Variants in NPTN observed in about 807,000 individuals in gnomAD.
NPTN encodes neuroplastin.
NPTN carries 5 observed loss-of-function variants against 42.7 expected under a neutral mutation model. The ratio of observed to expected loss-of-function variants is 0.12; its 90% CI spans 0.06 to 0.25. The LOEUF is 0.25. Ranked by LOEUF, NPTN falls within the 10% of genes least tolerant of loss-of-function variation. The probability of loss-of-function intolerance (pLI) is 1.00; values close to 1 mark genes in which losing one functional copy is unlikely to be tolerated. For synonymous variants in NPTN, 180 were observed against 201.9 expected, an observed-to-expected ratio of 0.89 and a Z score of 0.92; for missense variants, 307 against 525.4, an observed-to-expected ratio of 0.58 and a Z score of 4.06.
intron 1 of NPTN, among the ~76,000 whole-genome samples, chr15:73,608,475 G>A (rs1897394549): frequency 6.6e-6 from 1 of 152,146 alleles, no homozygotes; most frequent in East Asian, 1.9e-4. Flanking sequence ...CAATTAGTAG[G>A]AATGAGTTCT....
chr15:73,588,937 G>A (rs1896453056), intron 3 of NPTN, among the ~76,000 whole-genome samples: 1 of 152,196 alleles, frequency 6.6e-6, no homozygotes, highest in South Asian at 2.1e-4. Flanking sequence ...TACGGCAGGG[G>A]AATGAATAAA....
intron 1 of NPTN, among the ~76,000 whole-genome samples, chr15:73,601,625 G>A (rs1897088063): frequency 1.3e-5 from 2 of 152,180 alleles, no homozygotes; most frequent in Admixed American, 1.3e-4. Context: ...TGCTCTCTAG[G>A]TCAAGGGTCA....
chr15:73,612,795 C>A (rs1000981861), intron 1 of NPTN, among the ~76,000 whole-genome samples: 1 of 151,992 alleles, frequency 6.6e-6, no homozygotes, highest in Non-Finnish European at 1.5e-5. Flanking sequence ...ATAAACAAAT[C>A]TATCAGACTT....
intron 6 of NPTN, chr15:73,567,552 C>A (rs976574467): frequency 6.1e-6 from 6 of 985,070 alleles, no homozygotes; most frequent in Middle Eastern, 5.2e-4. Context: ...ATGGAGTGCA[C>A]AGGGGTTGAG....
At position 73,570,181 on chromosome 15, in the gene NPTN, C is replaced by T. The variant is rs1566959219; in HGVS notation, c.1083G>A (p.Glu361=). ...IILVVIIVVY[E]KRKRPDEVPD... ...GAACCTCATCTGGCCTCTTCCTCTT[C>T]TCATACACAACAATGATCACCACAA... The change falls in exon 6 of 9, where the codon GAG becomes GAA. Residue 361 remains glutamate, a synonymous_variant. Transcript: ENST00000345330. This position sits in a 1 kb window ranked among gnomAD's most constrained non-coding sequence, Gnocchi z 4.0. 3.1e-6 allele frequency: 5 copies of T among 1,613,252 alleles called. No homozygotes were observed. Among genetic ancestry groups the T allele is most frequent in the Non-Finnish European group, 4.2e-6 (5 of 1,179,410 alleles).
At chr15:73,631,972 T>C (rs1898770479) in intron 1 of NPTN, among the ~76,000 whole-genome samples, 1 of 152,160 alleles carries the variant, frequency 6.6e-6, no homozygotes, top group Admixed American at 6.5e-5. Context: ...CTGTACCACC[T>C]CCCAGGGGCC....
chr15:73,610,323 T>A (rs566552898), intron 1 of NPTN, among the ~76,000 whole-genome samples: 2 of 152,308 alleles, frequency 1.3e-5, no homozygotes, highest in African/African-American at 4.8e-5. Flanking sequence ...CTCAAACTAC[T>A]GGCCTCAAGT....
intron 6 of NPTN, chr15:73,567,632 T>C: frequency 1.0e-6 from 1 of 985,178 alleles, no homozygotes; most frequent in African/African-American, 1.7e-5. Flanking sequence ...CTTTTTCTTT[T>C]GTTTAATGAT....
rs537937472 is a variant in NPTN, at chr15:73,595,440, C to G, written c.439+1582G>C. Among the ~76,000 whole-genome samples the G allele has an allele frequency of 4.6e-5, 7 of 152,258 alleles. No homozygotes were observed. The South Asian group carries it at 1.5e-3, about 32-fold the overall frequency. The stretch of plus-strand genomic sequence containing the variant: ...AGCAGGTTCTTTGATTCAACAGTGC[C>G]AACTGCAGCAGCCTCTCCTACCACT... On this transcript the variant is annotated intron_variant, in intron 2 of 8. Coordinates refer to ENST00000345330, the MANE Select transcript of NPTN (RefSeq NM_012428.4).
chr15:73,568,428 T>TG (rs1389526012), intron 6 of NPTN: 3 of 985,414 alleles, frequency 3.0e-6, no homozygotes, highest in East Asian at 1.1e-4. Flanking sequence ...AAAAGCATTC[T>TG]GGGGGGATAA....
chr15:73,571,830 T>G (rs962698323), intron 5 of NPTN, among the ~76,000 whole-genome samples: 2 of 152,224 alleles, frequency 1.3e-5, no homozygotes, highest in Admixed American at 1.3e-4. Context: ...TGTCAGCATT[T>G]GAGTGCAGGT....
At chr15:73,566,677 G>A (rs1302084034) in intron 6 of NPTN, among the ~76,000 whole-genome samples, 1 of 152,208 alleles carries the variant, frequency 6.6e-6, no homozygotes, top group Non-Finnish European at 1.5e-5. Context: ...ACCCAAGCAG[G>A]TGCCCAGCTG....
At chr15:73,598,897 A>G (rs1005040531) in intron 1 of NPTN, among the ~76,000 whole-genome samples, 3 of 152,214 alleles carry the variant, frequency 2.0e-5, no homozygotes, top group Admixed American at 2.0e-4. Context: ...GCCTTTGGTG[A>G]TAACCCCACA....
rs546275501 is a variant in NPTN at position 73,573,551 on chromosome 15, C to G, written c.840+111G>C. On this transcript the variant is annotated intron_variant, in intron 5 of 8. Coordinates refer to ENST00000345330, the MANE Select transcript of NPTN (RefSeq NM_012428.4). ...AACCGTGACTCTAGAAAGGGTGACC[C>G]TCGCCATGCACACATCCGAGGATAC... is the stretch of plus-strand genomic sequence containing the variant. 1.3e-5 allele frequency: 16 copies of G among 1,256,996 alleles called. No individual in the cohort carries two copies. In the African/African-American group the frequency reaches 2.3e-4, roughly 18 times the overall value. The allele number at this position is 1,256,996 out of a possible 1,614,324, so 77.9% of individuals were successfully genotyped here.
intron 1 of NPTN, among the ~76,000 whole-genome samples, chr15:73,612,265 G>A (rs1897619751): frequency 6.6e-6 from 1 of 151,910 alleles, no homozygotes; most frequent in Non-Finnish European, 1.5e-5. Flanking sequence ...ACAAAAATGT[G>A]AAGAATTAGC....
At chr15:73,603,310 T>C (rs549115308) in intron 1 of NPTN, among the ~76,000 whole-genome samples, 2 of 152,388 alleles carry the variant, frequency 1.3e-5, no homozygotes, top group South Asian at 2.1e-4. Context: ...GGCAGCAGCC[T>C]GCAGCACTGC....
chr15:73,617,703 C>T (rs1021846950), intron 1 of NPTN, among the ~76,000 whole-genome samples: 1 of 152,172 alleles, frequency 6.6e-6, no homozygotes, highest in African/African-American at 2.4e-5. Context: ...TCTACTAAGA[C>T]ACTACTAAAA....
intron 3 of NPTN, among the ~76,000 whole-genome samples, chr15:73,589,118 G>A (rs1896465026): frequency 6.6e-6 from 1 of 152,094 alleles, no homozygotes; most frequent in Non-Finnish European, 1.5e-5. Flanking sequence ...GACTGCTTGA[G>A]CCCAGGAGTT....
chr15:73,579,033 G>C (rs1895848748), intron 4 of NPTN, among the ~76,000 whole-genome samples: 1 of 145,768 alleles, frequency 6.9e-6, no homozygotes, highest in African/African-American at 2.6e-5. Context: ...TAACATCCAA[G>C]TATTGGGAAG....
Sources: gnomAD v4.1 joint callset for allele counts (sites outside exome capture counted in the v4.1 genomes callset) on GRCh38, gnomAD v4.1.1 for gene constraint, Gnocchi (gnomAD v3.1) non-coding constraint, MANE v1.5 for transcripts, NCBI Gene and HGNC (gene_info 2026-07-23, HGNC 2026-07-21) for gene names.